TWIST2: variants seen among roughly 807,000 people sequenced by gnomAD.
TWIST2 encodes twist family bHLH transcription factor 2, also known as twist-related protein 2.
A neutral mutation model predicts 11.6 loss-of-function variants in TWIST2; 1 was observed. That is an observed-to-expected ratio of 0.09 (90% confidence interval 0.03 to 0.41). The LOEUF is 0.41. TWIST2 is among the 10% of genes least tolerant of loss of function. TWIST2 has a pLI of 0.98. For missense variants in TWIST2, 168 were observed against 226.4 expected (o/e 0.74, Z 1.66); for synonymous variants, 87 against 96.6 (o/e 0.90, Z 0.58).
At chr2:238,852,240 T>C (rs1341248211) in intron 1 of TWIST2, among the ~76,000 whole-genome samples, 4 of 152,198 alleles carry the variant, frequency 2.6e-5, no homozygotes, top group African/African-American at 7.2e-5. Context: ...AAAACAAATA[T>C]TTTAATAAGC....
rs1000080500 is a variant in TWIST2 at position 238,880,759 on chromosome 2, A to T, written c.*36-29083A>T. On this transcript the variant is annotated intron_variant, in intron 1 of 1. Transcript: ENST00000612363. ...TATTAGTGTTAGTGTTGGTGTTAATATTAGCATTAGTGTCAGTGTTAGTAT... is the reference window on the plus strand; with the variant it reads ...TATTAGTGTTAGTGTTGGTGTTAATTTTAGCATTAGTGTCAGTGTTAGTAT... 8.7e-5 allele frequency among the ~76,000 whole-genome samples: 10 copies of T among 114,716 alleles called. 1 individual carries two copies. Among genetic ancestry groups the T allele is most frequent in the African/African-American group, 3.7e-4 (10 of 27,348 alleles). 75.3% of individuals were successfully genotyped at this position (114,716 alleles called of 152,430 possible).
At position 238,877,161 on chromosome 2, in the gene TWIST2, C is replaced by T. The variant is rs1005831174; in HGVS notation, c.*35+28428C>T. On this transcript the variant is annotated intron_variant, in intron 1 of 1. Coordinates refer to ENST00000612363, the MANE Select transcript of TWIST2 (RefSeq NM_001271893.4). Reference sequence around the variant, plus strand: ...GCAGTGAGCTGAGATCGTGCCACTGCGCTCCAGCCTGGGAGACAGAGCAAG... The same window carrying T: ...GCAGTGAGCTGAGATCGTGCCACTGTGCTCCAGCCTGGGAGACAGAGCAAG... 8.5e-5 allele frequency among the ~76,000 whole-genome samples: 13 copies of T among 152,226 alleles called. No homozygotes were observed. In the South Asian group the frequency reaches 1.7e-3, roughly 19 times the overall value.
At chr2:238,905,856 CGTGT>C in intron 1 of TWIST2, among the ~76,000 whole-genome samples, 1 of 133,942 alleles carries the variant, frequency 7.5e-6, no homozygotes, top group South Asian at 2.4e-4. Context: ...TGTGTGTGTG[CGTGT>C]GTGTGCGTGC....
At chr2:238,854,073 T>C (rs1420945274) in intron 1 of TWIST2, among the ~76,000 whole-genome samples, 1 of 152,208 alleles carries the variant, frequency 6.6e-6, no homozygotes, top group African/African-American at 2.4e-5. Context: ...ATAGTTTTAC[T>C]TCTCAGACCC....
At chr2:238,884,937 G>C (rs1237495513) in intron 1 of TWIST2, among the ~76,000 whole-genome samples, 2 of 152,212 alleles carry the variant, frequency 1.3e-5, no homozygotes, top group Non-Finnish European at 2.9e-5. Context: ...AGTGGTGTGG[G>C]TAAGGGGCAG....
At chr2:238,893,673 A>G (rs1693174453) in intron 1 of TWIST2, among the ~76,000 whole-genome samples, 1 of 152,208 alleles carries the variant, frequency 6.6e-6, no homozygotes, top group Non-Finnish European at 1.5e-5. Context: ...GAGAGTCTTC[A>G]GCCGAATCCC....
intron 1 of TWIST2, among the ~76,000 whole-genome samples, chr2:238,906,959 T>C (rs1248664947): frequency 2.0e-5 from 3 of 152,246 alleles, no homozygotes; most frequent in African/African-American, 4.8e-5. Flanking sequence ...GCAGGTCAAC[T>C]GGCTGTTCTC....
chr2:238,888,260 T>G (rs1693075848), intron 1 of TWIST2, among the ~76,000 whole-genome samples: 1 of 152,272 alleles, frequency 6.6e-6, no homozygotes, highest in African/African-American at 2.4e-5. Flanking sequence ...TCTTCTGCCC[T>G]GTTTTCAGAG....
chr2:238,878,837 T>C (rs1692854659), intron 1 of TWIST2, among the ~76,000 whole-genome samples: 1 of 152,208 alleles, frequency 6.6e-6, no homozygotes, highest in African/African-American at 2.4e-5. Context: ...AAACTCAGTG[T>C]GTTCTCTCTT....
intron 1 of TWIST2, among the ~76,000 whole-genome samples, chr2:238,890,775 C>T (rs1693117011): frequency 6.6e-6 from 1 of 152,120 alleles, no homozygotes; most frequent in Admixed American, 6.5e-5. Context: ...TCTTCTGGGG[C>T]AGGGGGATTA....
intron 1 of TWIST2, among the ~76,000 whole-genome samples, chr2:238,905,547 C>T (rs1157161050): frequency 2.0e-5 from 3 of 152,116 alleles, no homozygotes; most frequent in Non-Finnish European, 4.4e-5. Context: ...CCCTCGGGCA[C>T]GTGAAGCAAA....
intron 1 of TWIST2, among the ~76,000 whole-genome samples, chr2:238,896,265 C>G (rs1471927240): frequency 1.3e-5 from 2 of 152,192 alleles, no homozygotes; most frequent in African/African-American, 4.8e-5. Context: ...AAAAGCGTGC[C>G]TGCCGTGCCA....
At chr2:238,870,161 C>T (rs1259631419) in intron 1 of TWIST2, among the ~76,000 whole-genome samples, 46 of 128,128 alleles carry the variant, frequency 3.6e-4, no homozygotes, top group African/African-American at 7.6e-4. Flanking sequence ...CCACACCCCA[C>T]ACACACCACA....
At chr2:238,909,756 C>A (rs1693421853) in intron 1 of TWIST2, 86 bp from the exon 2 acceptor site, 3 of 152,400 alleles carry the variant, frequency 2.0e-5, no homozygotes, top group Non-Finnish European at 4.4e-5. Context: ...TCCCGTCCCA[C>A]CCAGCCTTGG....
chr2:238,870,494 C>CA (rs1692652979), intron 1 of TWIST2, among the ~76,000 whole-genome samples: 10 of 139,592 alleles, frequency 7.2e-5, no homozygotes, highest in Non-Finnish European at 9.3e-5. Context: ...ACACCACACA[C>CA]CCCACGCACA....
intron 1 of TWIST2, among the ~76,000 whole-genome samples, chr2:238,890,377 C>T (rs1373321350): frequency 6.6e-6 from 1 of 152,224 alleles, no homozygotes; most frequent in Non-Finnish European, 1.5e-5. Flanking sequence ...TCCGGCACCT[C>T]CCCATCAGAT....
At chr2:238,890,674 G>A (rs1243841898) in intron 1 of TWIST2, among the ~76,000 whole-genome samples, 2 of 152,186 alleles carry the variant, frequency 1.3e-5, no homozygotes, top group African/African-American at 4.8e-5. Context: ...GTTTATAAAC[G>A]GGGTTTTATT....
intron 1 of TWIST2, among the ~76,000 whole-genome samples, chr2:238,870,003 C>T (rs1469331999): frequency 1.3e-5 from 2 of 151,770 alleles, no homozygotes; most frequent in African/African-American, 4.9e-5. Flanking sequence ...AATCATTGGG[C>T]ACTGCTGGTG....
chr2:238,869,249 C>T (rs1692602549), intron 1 of TWIST2, among the ~76,000 whole-genome samples: 1 of 152,212 alleles, frequency 6.6e-6, no homozygotes, highest in South Asian at 2.1e-4. Flanking sequence ...GCCACTGCAG[C>T]TTGTTTACTG....
Sources: allele counts gnomAD v4.1 joint callset (sites outside exome capture counted in the v4.1 genomes callset), GRCh38; gene constraint gnomAD v4.1.1; transcripts MANE v1.5; gene names NCBI Gene and HGNC (gene_info 2026-07-23, HGNC 2026-07-21).